PDE7B: variants seen among roughly 807,000 people sequenced by gnomAD.
The protein encoded by PDE7B is 3',5'-cyclic-AMP phosphodiesterase 7B.
PDE7B carries 29 observed loss-of-function variants against 56.2 expected under a neutral mutation model. The ratio of observed to expected loss-of-function variants is 0.52; its 90% CI spans 0.38 to 0.70. The LOEUF (loss-of-function observed/expected upper bound fraction) is 0.70. PDE7B is among the 30% of genes least tolerant of loss of function. The probability of loss-of-function intolerance (pLI) is 0.00; values close to 1 mark genes in which losing one functional copy is unlikely to be tolerated. For missense variants in PDE7B, 490 were observed against 565.0 expected (o/e 0.87, Z 1.35); for synonymous variants, 197 against 196.9 (o/e 1.00, Z 0.00).
At chr6:136,001,004 T>C (rs949980887) in intron 2 of PDE7B, among the ~76,000 whole-genome samples, 1 of 152,124 alleles carries the variant, frequency 6.6e-6, no homozygotes, top group African/African-American at 2.4e-5. Flanking sequence ...AGACAAAACT[T>C]CCAGAGGAAC....
chr6:136,118,465 A>G (rs1180660118), intron 3 of PDE7B, among the ~76,000 whole-genome samples: 1 of 152,236 alleles, frequency 6.6e-6, no homozygotes, highest in African/African-American at 2.4e-5. Context: ...CATACAAATT[A>G]TATCTATGCT....
intron 1 of PDE7B, among the ~76,000 whole-genome samples, chr6:135,875,070 TGATA>T (rs756714286): frequency 7.2e-5 from 11 of 152,048 alleles, no homozygotes; most frequent in Admixed American, 2.0e-4. Context: ...ACAGTTTTCC[TGATA>T]GATCTTTTTT....
At chr6:136,179,275 A>G in intron 10 of PDE7B, 134 bp downstream of exon 10, 1 of 720,148 alleles carries the variant, frequency 1.4e-6, no homozygotes, top group South Asian at 1.8e-5. Flanking sequence ...CATGAGTTCA[A>G]GGCTACAGTG....
In PDE7B at chr6:136,150,855, A is replaced by ATGTGTGTGTGTGTGTGTG. The variant is rs60877369; in HGVS notation, c.383-290_383-289insGTGTGTGTGTGTGTGTGT. ...TCTTTAAAAAAATACACATATACAC[A>ATGTGTGTGTGTGTGTGTG]TGTGTGTGTGTGTGTATGTGTATGT... On this transcript the variant is annotated intron_variant, in intron 5 of 12. Coordinates refer to ENST00000308191, the MANE Select transcript of PDE7B (RefSeq NM_018945.4). Among the ~76,000 whole-genome samples the ATGTGTGTGTGTGTGTGTG allele has an allele frequency of 2.0e-3, 298 of 150,626 alleles. 2 individuals are homozygous for ATGTGTGTGTGTGTGTGTG. Among genetic ancestry groups the ATGTGTGTGTGTGTGTGTG allele is most frequent in the Middle Eastern group, 3.4e-3 (1 of 292 alleles).
chr6:136,023,296 C>G (rs115225743), intron 2 of PDE7B, among the ~76,000 whole-genome samples: 1 of 152,164 alleles, frequency 6.6e-6, no homozygotes, highest in African/African-American at 2.4e-5. Context: ...GATCCCAGGA[C>G]GAGCAGGACA....
chr6:135,898,800 A>G lies in PDE7B; in HGVS notation c.21+46781A>G, dbSNP rs1287194352. 2.0e-5 allele frequency among the ~76,000 whole-genome samples: 3 copies of G among 152,294 alleles called. No homozygotes were observed. The East Asian group carries it at 5.8e-4, about 29-fold the overall frequency. On this transcript the variant is annotated intron_variant, in intron 1 of 12. Transcript: ENST00000308191. ...TTATTATAGATAAATTTAGGGACAA[A>G]TTATTATTCTTTCCTAGGGAATAAA... is the stretch of plus-strand genomic sequence containing the variant.
chr6:135,854,456 T>C (rs1356102191), intron 1 of PDE7B, among the ~76,000 whole-genome samples: 1 of 152,184 alleles, frequency 6.6e-6, no homozygotes, highest in African/African-American at 2.4e-5. Flanking sequence ...ATCCACTATC[T>C]TATGGATTCA....
rs1210624745 is a variant in PDE7B at position 135,879,264 on chromosome 6, T to C, written c.21+27245T>C. ...ATTAAATATAAAATATTTTTTTCTCTAGAAGGAATGAAGTAAATAGACCTT... is the reference window on the plus strand; with the variant it reads ...ATTAAATATAAAATATTTTTTTCTCCAGAAGGAATGAAGTAAATAGACCTT... On this transcript the variant is annotated intron_variant, in intron 1 of 12. Transcript: ENST00000308191. 1.3e-5 allele frequency among the ~76,000 whole-genome samples: 2 copies of C among 152,148 alleles called. 1 individual carries two copies. The highest frequency in any genetic ancestry group is 2.9e-5 in the Non-Finnish European group (2 of 68,030).
chr6:136,108,746 G>A lies in PDE7B; in HGVS notation c.98G>A (p.Arg33Lys). 6.2e-7 allele frequency: 1 copy of A among 1,609,460 alleles called. No individual in the cohort carries two copies. The highest frequency in any genetic ancestry group is 1.3e-5 in the African/African-American group (1 of 74,930). ...CVCMLGDIRL[R>K]GQTGVRAERR... ...TGTTTTCTAGGAGATATACGACTAA[G>A]GGGTCAGACGGGGGTTCGTGCTGAA... Residue 33 changes from arginine to lysine, a missense_variant, in exon 3 of 13, where the codon AGG (arginine) becomes AAG (lysine). Transcript: ENST00000308191.
chr6:136,018,201 C>T (rs757995484), intron 2 of PDE7B, among the ~76,000 whole-genome samples: 2 of 152,144 alleles, frequency 1.3e-5, no homozygotes, highest in Non-Finnish European at 2.9e-5. Context: ...TTGGCAGGAT[C>T]GAGGCAGAAT....
intron 1 of PDE7B, among the ~76,000 whole-genome samples, chr6:135,930,998 G>T (rs943475980): frequency 6.6e-5 from 10 of 152,114 alleles, no homozygotes; most frequent in African/African-American, 2.4e-4. Flanking sequence ...CCACATATTT[G>T]AAACATCAGA....
In PDE7B at chr6:135,978,571, T is replaced by C. The variant is rs368884994; in HGVS notation, c.82+31047T>C. Among the ~76,000 whole-genome samples the C allele has an allele frequency of 9.8e-5, 15 of 152,304 alleles. 1 individual carries two copies. The highest frequency in any genetic ancestry group is 5.2e-4 in the Admixed American group (8 of 15,298). On this transcript the variant is annotated intron_variant, in intron 2 of 12. Coordinates refer to ENST00000308191, the MANE Select transcript of PDE7B (RefSeq NM_018945.4). ...CTCTTTTATAATTTTTTTACTCTTA[T>C]AATACTTTTTTACTCCTTTATAATA...
chr6:136,130,991 G>A (rs909768312), intron 3 of PDE7B, among the ~76,000 whole-genome samples: 1 of 152,144 alleles, frequency 6.6e-6, no homozygotes, highest in Non-Finnish European at 1.5e-5. Context: ...CCCACAACAT[G>A]TGGGAATTAT....
At chr6:135,914,923 T>C (rs376517452) in intron 1 of PDE7B, among the ~76,000 whole-genome samples, 2 of 151,718 alleles carry the variant, frequency 1.3e-5, no homozygotes, top group East Asian at 1.9e-4. Flanking sequence ...TGAAAGCTCA[T>C]CTCTACTAAA....
chr6:135,968,529 C>G (rs1775038225), intron 2 of PDE7B, among the ~76,000 whole-genome samples: 1 of 152,076 alleles, frequency 6.6e-6, no homozygotes, highest in African/African-American at 2.4e-5. Flanking sequence ...ATGCAGCCAA[C>G]AAACAAATGA....
At chr6:136,002,693 T>C (rs557706447) in intron 2 of PDE7B, among the ~76,000 whole-genome samples, 2 of 152,244 alleles carry the variant, frequency 1.3e-5, no homozygotes, top group African/African-American at 4.8e-5. Context: ...GCACCCAGAT[T>C]CATAAAGCAA....
At chr6:135,902,608 C>T (rs1371363402) in intron 1 of PDE7B, among the ~76,000 whole-genome samples, 2 of 152,258 alleles carry the variant, frequency 1.3e-5, no homozygotes, top group Admixed American at 6.5e-5. Flanking sequence ...AGATGGACAA[C>T]TGGAAAAATA....
intron 2 of PDE7B, among the ~76,000 whole-genome samples, chr6:136,108,207 G>A (rs1777683352): frequency 6.6e-6 from 1 of 151,386 alleles, no homozygotes; most frequent in African/African-American, 2.4e-5. Context: ...AAACTCGACA[G>A]ACTGTCCTGT....
chr6:136,067,269 T>A (rs568840735), intron 2 of PDE7B, among the ~76,000 whole-genome samples: 9 of 152,294 alleles, frequency 5.9e-5, no homozygotes, highest in African/African-American at 2.2e-4. Flanking sequence ...ATTTTCAGCT[T>A]AAAGCATCTT....
Sources: allele counts gnomAD v4.1 joint callset (sites outside exome capture counted in the v4.1 genomes callset), GRCh38; gene constraint gnomAD v4.1.1; transcripts MANE v1.5; gene names NCBI Gene and HGNC (gene_info 2026-07-23, HGNC 2026-07-21).